SLC19A2: variants seen among roughly 807,000 people sequenced by gnomAD.
SLC19A2 encodes thiamine transporter 1.
SLC19A2 carries 27 observed loss-of-function variants against 44.7 expected under a neutral mutation model. That is an observed-to-expected ratio of 0.60 (90% CI 0.45 to 0.83). The LOEUF is 0.83. SLC19A2 is among the 40% of genes least tolerant of loss of function. The pLI, the probability that SLC19A2 is intolerant of heterozygous loss-of-function variation, is 0.00. For missense variants in SLC19A2, 566 were observed against 613.7 expected (o/e 0.92, Z 0.82); for synonymous variants, 239 against 243.6 (o/e 0.98, Z 0.18).
intron 5 of SLC19A2, among the ~76,000 whole-genome samples, chr1:169,466,234 A>G (rs968920162): frequency 9.2e-5 from 14 of 152,178 alleles, no homozygotes; most frequent in African/African-American, 3.4e-4. Context: ...GCCCTTCTTC[A>G]CTTACAAAAT....
At chr1:169,474,218 T>C (rs896390419) in intron 2 of SLC19A2, 1 of 152,194 alleles carries the variant, frequency 6.6e-6, no homozygotes, top group Non-Finnish European at 1.5e-5. Flanking sequence ...AAGCATTAAT[T>C]TCACTGTTGT....
At chr1:169,467,628 C>T (rs1411268673) in intron 5 of SLC19A2, among the ~76,000 whole-genome samples, 1 of 152,142 alleles carries the variant, frequency 6.6e-6, no homozygotes, top group Non-Finnish European at 1.5e-5. Context: ...GTGCAAGTTT[C>T]TCAATAGTCA....
chr1:169,477,084 G>T (rs1658337212), intron 2 of SLC19A2, 71 bp downstream of exon 2: 13 of 1,544,984 alleles, frequency 8.4e-6, no homozygotes, highest in South Asian at 3.4e-5. Context: ...CCAAGAGGGA[G>T]TTTGCTGTTT....
At chr1:169,466,710 T>A (rs1479325187) in intron 5 of SLC19A2, among the ~76,000 whole-genome samples, 1 of 151,280 alleles carries the variant, frequency 6.6e-6, no homozygotes, top group Admixed American at 6.6e-5. Flanking sequence ...CAGGCCCCAA[T>A]GTGTGTTGTT....
chr1:169,478,050 G>A (rs1391825407), intron 1 of SLC19A2, among the ~76,000 whole-genome samples: 1 of 151,982 alleles, frequency 6.6e-6, no homozygotes, highest in Non-Finnish European at 1.5e-5. Context: ...GAGATTACAG[G>A]GACCCACCAT....
chr1:169,479,115 G>A (rs959830705), intron 1 of SLC19A2, among the ~76,000 whole-genome samples: 3 of 152,114 alleles, frequency 2.0e-5, no homozygotes, highest in East Asian at 1.9e-4. Flanking sequence ...CTTTGAAAAC[G>A]GAATCACTGT....
rs1315351357 is a variant in SLC19A2, at chr1:169,485,736, C to G, written c.31G>C (p.Ala11Pro). 10 of 1,535,628 alleles carry G rather than the reference C, an allele frequency of 6.5e-6. No individual in the cohort carries two copies. Among genetic ancestry groups the G allele is most frequent in the African/African-American group, 1.4e-5 (1 of 72,800 alleles). MDVPGPVSRR[A>P]AAAAATVLLR... ...AGCACAGTGGCCGCCGCCGCCGCCG[C>G]CCGCCGAGACACCGGGCCGGGCACA... Residue 11 changes from alanine to proline, a missense_variant, in exon 1 of 6, where the codon GCG (alanine) becomes CCG (proline). Physicochemically the swap from Ala to Pro is conservative, Grantham distance 27. Coordinates refer to ENST00000236137, the MANE Select transcript of SLC19A2 (RefSeq NM_006996.3).
rs886987617 is a variant in SLC19A2 at position 169,467,975 on chromosome 1, A to G, written c.1365+136T>C. On this transcript the variant is annotated intron_variant, in intron 5 of 5. Transcript: ENST00000236137. ...CTAAGGATAGGGGAGAAGATGTTGA[A>G]TGAAGGAAGGAGGGTATGCTTTTAC... The G allele has an allele frequency of 8.3e-6, 7 of 841,752 alleles. No individual in the cohort carries two copies. In the African/African-American group the frequency reaches 1.2e-4, roughly 14 times the overall value. The allele number at this position is 841,752 out of a possible 1,614,324, so 52.1% of individuals were successfully genotyped here.
rs575277340 is a variant in SLC19A2, at chr1:169,464,464, C to T, written c.*1385G>A. ...TTGCTTCTAGGATTCCTGCTTAAAC[C>T]AAATGAGTATGTCGACTTTGCAATC... On this transcript the variant is annotated 3_prime_UTR_variant, in exon 6 of 6. Coordinates refer to ENST00000236137, the MANE Select transcript of SLC19A2 (RefSeq NM_006996.3). 6.6e-6 allele frequency: 1 copy of T among 152,178 alleles called. No individual in the cohort carries two copies. Among genetic ancestry groups the T allele is most frequent in the Admixed American group, 6.5e-5 (1 of 15,288 alleles). The allele number at this position is 152,178 out of a possible 1,614,324, so 9.4% of individuals were successfully genotyped here.
chr1:169,479,544 G>A (rs1658399028), intron 1 of SLC19A2, among the ~76,000 whole-genome samples: 1 of 152,154 alleles, frequency 6.6e-6, no homozygotes, highest in Non-Finnish European at 1.5e-5. Context: ...AAAAGTAAAT[G>A]AGACACAACA....
chr1:169,468,117 G>A lies in SLC19A2; in HGVS notation c.1359C>T (p.Thr453=), dbSNP rs140938034. 3.1e-6 allele frequency: 5 copies of A among 1,613,764 alleles called. No homozygotes were observed. The African/African-American group carries it at 6.7e-5, about 22-fold the overall frequency. The change falls in exon 5 of 6, where the codon ACC becomes ACT. Residue 453 remains threonine, a synonymous_variant. Transcript: ENST00000236137. ...GCCAAAGGAGAGATCTTACCTGAGT[G>A]GTAATTTCTAATCCAAGGCCACTGG... is the stretch of plus-strand genomic sequence containing the variant. ...VDASGLGLEI[T]TQFLIYASYF... is the part of the protein sequence containing the mutation.
intron 1 of SLC19A2, among the ~76,000 whole-genome samples, chr1:169,482,058 G>A (rs772746091): frequency 6.7e-4 from 101 of 150,056 alleles, no homozygotes; most frequent in African/African-American, 2.1e-3. Context: ...AAAATTAGCC[G>A]GGCATGGTGG....
intron 1 of SLC19A2, 29 bp from the exon 2 acceptor site, chr1:169,477,786 A>G (rs1159488049): frequency 6.3e-7 from 1 of 1,584,506 alleles, no homozygotes; most frequent in African/African-American, 1.4e-5. Flanking sequence ...AAAAAAACAA[A>G]AAACATTAGT....
Position 169,477,611 on chromosome 1 carries a change from A to G in SLC19A2, c.351T>C (p.Tyr117=). ...SLIVTWFMLL[Y]AQGLLAIQFL... ...ATTGAATGGCCAGCAGTCCCTGGGC[A>G]TAGAGCAGCATAAACCATGTAACAA... Residue 117 remains tyrosine, a synonymous_variant, in exon 2 of 6, where the codon TAT becomes TAC. Coordinates refer to ENST00000236137, the MANE Select transcript of SLC19A2 (RefSeq NM_006996.3). 1 of 1,614,216 alleles carries G rather than the reference A, an allele frequency of 6.2e-7. No homozygotes were observed. The highest frequency in any genetic ancestry group is 8.5e-7 in the Non-Finnish European group (1 of 1,180,030).
intron 2 of SLC19A2, among the ~76,000 whole-genome samples, chr1:169,470,546 C>G (rs976456224): frequency 4.6e-5 from 7 of 150,642 alleles, no homozygotes; most frequent in Non-Finnish European, 8.9e-5. Flanking sequence ...AAGCAACAGA[C>G]TAGCAACCCT....
intron 2 of SLC19A2, among the ~76,000 whole-genome samples, chr1:169,471,839 T>G (rs1351015939): frequency 6.6e-6 from 1 of 152,144 alleles, no homozygotes; most frequent in Non-Finnish European, 1.5e-5. Context: ...CTCACTGGAC[T>G]GAGAATCCGA....
At chr1:169,468,307 ATATT>A in intron 4 of SLC19A2, 55 bp from the exon 5 acceptor site, 1 of 1,408,174 alleles carries the variant, frequency 7.1e-7, no homozygotes, top group East Asian at 2.5e-5. Context: ...AGTACTTATA[ATATT>A]TATTCTAAAT....
chr1:169,473,152 T>C (rs11585766), intron 2 of SLC19A2, among the ~76,000 whole-genome samples: 15,589 of 152,250 alleles, frequency 0.1, 906 homozygotes, highest in South Asian at 0.16. Flanking sequence ...TTAAAAATCT[T>C]TAACAATTAC....
At chr1:169,469,134 A>C in intron 3 of SLC19A2, 1 of 385,798 alleles carries the variant, frequency 2.6e-6, no homozygotes, top group Non-Finnish European at 4.7e-6. Context: ...CAGAGGCAAG[A>C]GTCAAAAAGA....
Sources: allele counts gnomAD v4.1 joint callset (sites outside exome capture counted in the v4.1 genomes callset), GRCh38; gene constraint gnomAD v4.1.1; transcripts MANE v1.5; gene names NCBI Gene and HGNC (gene_info 2026-07-23, HGNC 2026-07-21).